The following A2ML1 variants were observed in gnomAD, a reference collection of about 807,000 sequenced individuals.
The protein encoded by A2ML1 is alpha-2-macroglobulin-like protein 1.
Under a neutral mutation model 181.9 loss-of-function variants are expected in A2ML1, and 161 were observed. The ratio of observed to expected loss-of-function variants is 0.89; its 90% CI spans 0.78 to 1.01. A2ML1 has a LOEUF of 1.01. Ranked by LOEUF, A2ML1 falls within the 50% of genes least tolerant of loss-of-function variation. The pLI is 0.00. For missense variants in A2ML1, 1,670 were observed against 1,768.1 expected, an observed-to-expected ratio of 0.94 and a Z score of 1.00; for synonymous variants, 663 against 666.8, an observed-to-expected ratio of 0.99 and a Z score of 0.09.
chr12:8,844,253 T>A (rs1306938075), intron 12 of A2ML1, among the ~76,000 whole-genome samples: 2 of 147,744 alleles, frequency 1.4e-5, no homozygotes, highest in African/African-American at 5.0e-5. Context: ...GGGATGGGAC[T>A]CAGGATACTT....
intron 3 of A2ML1, among the ~76,000 whole-genome samples, chr12:8,827,834 C>T (rs745336248): frequency 2.0e-5 from 3 of 152,202 alleles, no homozygotes; most frequent in Non-Finnish European, 4.4e-5. Flanking sequence ...ACCCCATGCT[C>T]AGTATCTCTG....
Position 8,837,561 on chromosome 12 carries a change from G to A in A2ML1, c.850G>A (p.Gly284Arg), listed in dbSNP as rs1943325489. The A allele has an allele frequency of 6.2e-7, 1 of 1,612,734 alleles. No individual in the cohort carries two copies. Among genetic ancestry groups the A allele is most frequent in the African/African-American group, 1.3e-5 (1 of 74,868 alleles). ...TCCTGACAAATGCAGGAACCTCTCT[G>A]GACAGGTGAGTAAATGACAGGTTAA... ...QLPDKCRNLS[G>R]QTDKTGCFSA... is the part of the protein sequence containing the mutation. Residue 284 changes from glycine (G) to arginine (R), a missense_variant, in exon 8 of 36, where the codon GGA becomes AGA. Transcript: ENST00000299698.
intron 7 of A2ML1, among the ~76,000 whole-genome samples, chr12:8,882,951 G>A (rs1010854251): frequency 5.3e-5 from 8 of 151,982 alleles, no homozygotes; most frequent in African/African-American, 1.2e-4. Context: ...CTCCATCTTC[G>A]GCCTTTGACC....
intron 33 of A2ML1, among the ~76,000 whole-genome samples, chr12:8,873,358 G>C (rs1175303401): frequency 6.6e-6 from 1 of 151,560 alleles, no homozygotes; most frequent in Admixed American, 6.6e-5. Flanking sequence ...TTCCACCTCA[G>C]CTTCCCAAGT....
In A2ML1 at chr12:8,832,268, G is replaced by A. The variant is rs73036979; in HGVS notation, c.463-2394G>A. 6.0e-3 allele frequency among the ~76,000 whole-genome samples: 920 copies of A among 152,258 alleles called. 2 individuals are homozygous for A. The highest frequency in any genetic ancestry group is 8.0e-3 in the Non-Finnish European group (546 of 68,016). ...GCAGGGTCTGCAGAACATCTCAGGC[G>A]CTGATCTTGGGTTTTACAACAGTGA... On this transcript the variant is annotated intron_variant, in intron 4 of 35. Transcript: ENST00000299698.
intron 11 of A2ML1, among the ~76,000 whole-genome samples, chr12:8,842,740 TCA>T (rs1156419490): frequency 6.7e-6 from 1 of 150,262 alleles, no homozygotes; most frequent in Non-Finnish European, 1.5e-5. Flanking sequence ...TAGGCATGAC[TCA>T]GTTACTCAGA....
In A2ML1 at chr12:8,834,661, G is replaced by A; in HGVS notation, c.463-1G>A. 4 of 1,614,126 alleles carry A rather than the reference G, an allele frequency of 2.5e-6. No homozygotes were observed. The highest frequency in any genetic ancestry group is 3.4e-6 in the Non-Finnish European group (4 of 1,180,010). On this transcript the variant is annotated splice_acceptor_variant, in intron 4 of 35. Coordinates refer to ENST00000299698, the MANE Select transcript of A2ML1 (RefSeq NM_144670.6). LOFTEE classifies it high-confidence loss of function. The stretch of plus-strand genomic sequence containing the variant: ...CCGCATTATCTGGTTTTCCTTTTCA[G>A]TACTCCATGGTGGAACTACAGGTAA...
At chr12:8,884,224 A>ATTTTTTTTTTTT (rs202171810) in intron 7 of A2ML1, among the ~76,000 whole-genome samples, 1 of 93,762 alleles carries the variant, frequency 1.1e-5, no homozygotes, top group Non-Finnish European at 2.3e-5. Context: ...TCTTTTTTTT[A>ATTTTTTTTTTTT]TTTTTTGTTT....
intron 13 of A2ML1, among the ~76,000 whole-genome samples, chr12:8,845,821 G>T (rs769032936): frequency 8.7e-5 from 13 of 148,928 alleles, no homozygotes; most frequent in Non-Finnish European, 1.8e-4. Flanking sequence ...CTGCGCTCCA[G>T]CCTGGGCGAC....
rs11610808 is a variant in A2ML1 at position 8,858,373 on chromosome 12, A to G, written c.3264+271A>G. Reference sequence around the variant, plus strand: ...CGAGGCGGGCAGATCGTTTGGGCCCAGGAGTTTGAGACCACCCTGGGCAAC... The same window carrying G: ...CGAGGCGGGCAGATCGTTTGGGCCCGGGAGTTTGAGACCACCCTGGGCAAC... On this transcript the variant is annotated intron_variant, in intron 26 of 35. Coordinates refer to ENST00000299698, the MANE Select transcript of A2ML1 (RefSeq NM_144670.6). 69,471 of 297,484 alleles carry G rather than the reference A, an allele frequency of 0.23. 8,906 individuals are homozygous for G. Among genetic ancestry groups the G allele is most frequent in the Middle Eastern group, 0.32 (294 of 930 alleles). The allele number at this position is 297,484 out of a possible 1,614,324, so 18.4% of individuals were successfully genotyped here.
At chr12:8,846,549 T>A (rs962515290) in intron 14 of A2ML1, among the ~76,000 whole-genome samples, 14 of 151,872 alleles carry the variant, frequency 9.2e-5, no homozygotes, top group Admixed American at 2.6e-4. Context: ...TACAAAAAAA[T>A]TTTTAATTAG....
chr12:8,866,754 TG>T (rs1944439736), intron 29 of A2ML1, among the ~76,000 whole-genome samples: 1 of 152,198 alleles, frequency 6.6e-6, no homozygotes, highest in African/African-American at 2.4e-5. Flanking sequence ...TTCACCAGGG[TG>T]GGTGACCTGT....
chr12:8,854,896 A>ATTTTTT, intron 22 of A2ML1, 65 bp downstream of exon 22: 5 of 1,293,986 alleles, frequency 3.9e-6, no homozygotes, highest in South Asian at 1.4e-5. Flanking sequence ...TTTTCTTTTC[A>ATTTTTT]TTTTTTTTTT....
At position 8,839,778 on chromosome 12, in the gene A2ML1, G is replaced by A. The variant is rs773348155; in HGVS notation, c.1080+556G>A. Reference sequence around the variant, plus strand: ...TTTTGTTTTGTTTTGAGACAGTCTCGCTCTTGTTGCCCAGCCTGAAGTGCA... The same window carrying A: ...TTTTGTTTTGTTTTGAGACAGTCTCACTCTTGTTGCCCAGCCTGAAGTGCA... On this transcript the variant is annotated intron_variant, in intron 10 of 35. Coordinates refer to ENST00000299698, the MANE Select transcript of A2ML1 (RefSeq NM_144670.6). 5.3e-5 allele frequency among the ~76,000 whole-genome samples: 8 copies of A among 152,046 alleles called. No individual in the cohort carries two copies. In the South Asian group the frequency reaches 6.2e-4, roughly 12 times the overall value.
chr12:8,844,016 G>A (rs142345438), intron 12 of A2ML1, among the ~76,000 whole-genome samples: 4 of 150,218 alleles, frequency 2.7e-5, no homozygotes, highest in Admixed American at 6.6e-5. Flanking sequence ...CACCGCGCCC[G>A]GCCTCAAGTA....
chr12:8,831,612 G>C (rs1943113942), intron 4 of A2ML1, among the ~76,000 whole-genome samples: 1 of 152,218 alleles, frequency 6.6e-6, no homozygotes, highest in Non-Finnish European at 1.5e-5. Context: ...TGCTTAGACA[G>C]GGTTGATTTA....
intron 14 of A2ML1, 35 bp downstream of exon 14, chr12:8,846,257 T>A (rs137915051): frequency 6.2e-7 from 1 of 1,612,170 alleles, no homozygotes; most frequent in Non-Finnish European, 8.5e-7. Flanking sequence ...AAGATAAAAG[T>A]TGGGCATAGA....
chr12:8,832,045 T>A (rs961912003), intron 4 of A2ML1, among the ~76,000 whole-genome samples: 2 of 152,172 alleles, frequency 1.3e-5, no homozygotes, highest in Non-Finnish European at 2.9e-5. Context: ...CCACCGCGCC[T>A]GGCCAGGAAA....
At position 8,864,023 on chromosome 12, in the gene A2ML1, C is replaced by G. The variant is rs2136944283; in HGVS notation, c.3717+15C>G. ...CTTCTACTCAGGTAAACAGCCTGTT[C>G]TCCCACTGCCACTTATCAGGTAGAA... On this transcript the variant is annotated intron_variant, in intron 29 of 35. Coordinates refer to ENST00000299698, the MANE Select transcript of A2ML1 (RefSeq NM_144670.6). 6.2e-7 allele frequency: 1 copy of G among 1,602,798 alleles called. No individual in the cohort carries two copies. The highest frequency in any genetic ancestry group is 8.5e-7 in the Non-Finnish European group (1 of 1,172,124).
Sources: gnomAD v4.1 joint callset for allele counts (sites outside exome capture counted in the v4.1 genomes callset) on GRCh38, gnomAD v4.1.1 for gene constraint, MANE v1.5 for transcripts, NCBI Gene and HGNC (gene_info 2026-07-23, HGNC 2026-07-21) for gene names.